Variants in ARHGAP4 observed in about 807,000 individuals in gnomAD.
ARHGAP4 encodes Rho GTPase activating protein 4.
In ARHGAP4, 25 loss-of-function variants were observed where a neutral mutation model predicts 67.6. The observed-to-expected ratio is 0.37, with a 90% CI of 0.27 to 0.52. The LOEUF is 0.52. Ranked by LOEUF, ARHGAP4 falls within the 20% of genes least tolerant of loss-of-function variation. ARHGAP4 has a pLI of 0.92. For missense variants in ARHGAP4, 804 were observed against 854.6 expected, an observed-to-expected ratio of 0.94 and a Z score of 0.74; for synonymous variants, 448 against 373.7, an observed-to-expected ratio of 1.20 and a Z score of -2.29.
Position 153,926,122 on chromosome X carries a change from C to G in ARHGAP4, c.67+14G>C, listed in dbSNP as rs782239592. 1.7e-6 allele frequency: 2 copies of G among 1,203,115 alleles called. No individual in the cohort carries two copies. Among genetic ancestry groups the G allele is most frequent in the South Asian group, 3.5e-5 (2 of 56,396 alleles). On this transcript the variant is annotated intron_variant, in intron 1 of 21. Transcript: ENST00000350060. ...CCGCAGGAAACGGGCCGGGAGCGCC[C>G]GGCGCCCTCTCACCTTTGACTTGCG...
intron 7 of ARHGAP4, among the ~76,000 whole-genome samples, chrX:153,915,028 A>G (rs1163250969): frequency 1.8e-5 from 2 of 112,621 alleles, no homozygotes; most frequent in African/African-American, 6.4e-5. Context: ...ACAGGACTGC[A>G]TGAAGGCGCA....
At chrX:153,922,025 T>C in intron 1 of ARHGAP4, 1 of 918,835 alleles carries the variant, frequency 1.1e-6, no homozygotes, top group Non-Finnish European at 1.4e-6. Flanking sequence ...AGCCGACCTC[T>C]GCGCTGAGGC....
intron 14 of ARHGAP4, 22 bp from the exon 15 acceptor site, chrX:153,910,856 G>A (rs374565768): frequency 5.6e-5 from 66 of 1,185,311 alleles, no homozygotes; most frequent in Non-Finnish European, 6.9e-5. Context: ...CGAGTGGTGC[G>A]GTAGGGGGAG....
chrX:153,921,657 A>G lies in ARHGAP4; in HGVS notation c.220T>C (p.Phe74Leu), dbSNP rs782498650. The G allele has an allele frequency of 9.9e-6, 12 of 1,209,408 alleles. No homozygotes were observed. In the South Asian group the frequency reaches 2.1e-4, roughly 21 times the overall value. ...SRGLEKLAER[F>L]SSRGGRLGSS... The stretch of plus-strand genomic sequence containing the variant: ...CCCAGGCGGCCTCCACGGCTGGAGA[A>G]GCGCTCGGCCAGCTTTTCCAGGCCC... Residue 74 changes from phenylalanine (F) to leucine (L), a missense_variant, in exon 2 of 22, where the codon TTC (phenylalanine) becomes CTC (leucine). Phe to Leu is a conservative substitution (Grantham distance 22). Coordinates refer to ENST00000350060, the MANE Select transcript of ARHGAP4 (RefSeq NM_001666.5).
intron 2 of ARHGAP4, 37 bp from the exon 3 acceptor site, chrX:153,921,564 C>T (rs782244098): frequency 5.8e-6 from 7 of 1,203,375 alleles, no homozygotes; most frequent in Non-Finnish European, 4.5e-6. Flanking sequence ...GGGAGCGGAG[C>T]TTGGGCCCTG....
chrX:153,922,071 G>A (rs1484115240), intron 1 of ARHGAP4: 2 of 989,311 alleles, frequency 2.0e-6, no homozygotes, highest in South Asian at 3.4e-5. Flanking sequence ...TGAGGGGGAA[G>A]GGGAAGGGTG....
Position 153,910,249 on chromosome X carries a change from C to T in ARHGAP4, c.2078G>A (p.Arg693Gln), listed in dbSNP as rs781956590. 5.0e-6 allele frequency: 6 copies of T among 1,209,237 alleles called. No individual in the cohort carries two copies. Among genetic ancestry groups the T allele is most frequent in the African/African-American group, 3.5e-5 (2 of 57,380 alleles). The change falls in exon 17 of 22, where the codon CGG (arginine) becomes CAG (glutamine). Residue 693 changes from arginine (R) to glutamine (Q), a missense_variant. Physicochemically the swap from Arg to Gln is conservative, Grantham distance 43 (BLOSUM62 1). Transcript: ENST00000350060. ...LVQTLIVQPD[R>Q]VFPPLTSLPG... ...CAGCGAGGTCAGGGGCGGGAAGACC[C>T]GATCGGGCTGCACTATGAGCGTCTG...
rs1485170799 is a variant in ARHGAP4 at position 153,911,197 on chromosome X, CAG to C, written c.1543-10_1543-9del. The C allele has an allele frequency of 7.1e-5, 81 of 1,148,616 alleles. No homozygotes were observed. Among genetic ancestry groups the C allele is most frequent in the Non-Finnish European group, 9.4e-5 (81 of 862,406 alleles). 94.7% of individuals were successfully genotyped at this position (1,148,616 alleles called of 1,213,427 possible). On this transcript the variant is annotated splice_polypyrimidine_tract_variant and intron_variant, in intron 12 of 21. Coordinates refer to ENST00000350060, the MANE Select transcript of ARHGAP4 (RefSeq NM_001666.5). ...CACAGGCTGGCCTGAGCTCTGGGGA[CAG>C]AGGGTGTTTACTTCACCATGGACAC...
At chrX:153,908,960 G>C (rs1478982996) in intron 21 of ARHGAP4, 110 bp downstream of exon 21, 1 of 808,623 alleles carries the variant, frequency 1.2e-6, no homozygotes, top group Non-Finnish European at 1.8e-6. Context: ...TTGAGCTAAG[G>C]CCAGGGAGGG....
At chrX:153,913,088 C>T in intron 10 of ARHGAP4, 37 bp from the exon 11 acceptor site, 5 of 1,178,606 alleles carry the variant, frequency 4.2e-6, no homozygotes, top group Non-Finnish European at 5.7e-6. Context: ...CCTCTCGGGC[C>T]AGGGGTCTTC....
chrX:153,909,200 C>T, intron 20 of ARHGAP4, 31 bp from the exon 21 acceptor site: 2 of 1,154,510 alleles, frequency 1.7e-6, no homozygotes, highest in Non-Finnish European at 2.3e-6. Flanking sequence ...CTGGTGGGGG[C>T]CCTGGGAAGT....
rs1557101623 is a variant in ARHGAP4, at chrX:153,907,884, A to G, written c.2686T>C (p.Ser896Pro). 8 of 1,054,935 alleles carry G rather than the reference A, an allele frequency of 7.6e-6. No homozygotes were observed. Among genetic ancestry groups the G allele is most frequent in the Non-Finnish European group, 9.8e-6 (8 of 813,779 alleles). The allele number at this position is 1,054,935 out of a possible 1,213,427, so 86.9% of individuals were successfully genotyped here. A position where few individuals can be genotyped will look rare whatever the true frequency, so the allele number is the denominator to read the frequency against. Residue 896 changes from serine (S) to proline (P), a missense_variant, in exon 22 of 22, where the codon TCT becomes CCT. Coordinates refer to ENST00000350060, the MANE Select transcript of ARHGAP4 (RefSeq NM_001666.5). ...TSVRQGLGPA[S>P]TTSPSPGPRS... ...GGCCCAGGACTGGGAGAGGTGGTAG[A>G]TGCTGGCCCAAGGCCCTGGCGGACA...
chrX:153,914,514 GGT>G (rs2065042037), intron 7 of ARHGAP4, among the ~76,000 whole-genome samples: 1 of 111,618 alleles, frequency 9.0e-6, no homozygotes, highest in Non-Finnish European at 1.9e-5. Context: ...TGGCCAACAC[GGT>G]GAAACCCTGT....
chrX:153,909,300 C>T, intron 20 of ARHGAP4, 131 bp from the exon 21 acceptor site: 1 of 863,738 alleles, frequency 1.2e-6, no homozygotes, highest in Non-Finnish European at 1.6e-6. Flanking sequence ...TCCTCTAGAG[C>T]CTCTCCCTGT....
At position 153,913,899 on chromosome X, in the gene ARHGAP4, G is replaced by C. The variant is rs1365329732; in HGVS notation, c.1033-20C>G. 1 of 1,188,399 alleles carries C rather than the reference G, an allele frequency of 8.4e-7. No individual in the cohort carries two copies. The highest frequency in any genetic ancestry group is 2.2e-5 in the Admixed American group (1 of 45,640). The stretch of plus-strand genomic sequence containing the variant: ...AGCCACCTGCAGAGGGCGGCGGCCA[G>C]GGGGCTAAGGGCTGGGCTTGGGCAG... On this transcript the variant is annotated intron_variant, in intron 7 of 21. Coordinates refer to ENST00000350060, the MANE Select transcript of ARHGAP4 (RefSeq NM_001666.5).
chrX:153,914,978 A>C (rs1312807772), intron 7 of ARHGAP4, among the ~76,000 whole-genome samples: 4 of 112,339 alleles, frequency 3.6e-5, no homozygotes, highest in African/African-American at 1.3e-4. Flanking sequence ...GCTGTGGCTA[A>C]ACACTTGCCC....
chrX:153,914,352 A>G (rs1020589529), intron 7 of ARHGAP4: 1 of 131,997 alleles, frequency 7.6e-6, no homozygotes, highest in African/African-American at 3.2e-5. Context: ...TACACTTTAC[A>G]GTGCTGAATT....
In ARHGAP4 at chrX:153,919,061, G is replaced by C; in HGVS notation, c.811-8C>G. 2 of 1,210,059 alleles carry C rather than the reference G, an allele frequency of 1.7e-6. No homozygotes were observed. The highest frequency in any genetic ancestry group is 3.5e-5 in the South Asian group (2 of 56,913). The stretch of plus-strand genomic sequence containing the variant: ...GAACCCTGTGTCACAGCACTGAGGA[G>C]GAAACAAGGAGATGCTTGGGTAGGT... On this transcript the variant is annotated splice_region_variant and splice_polypyrimidine_tract_variant and intron_variant, in intron 6 of 21. Transcript: ENST00000350060.
intron 1 of ARHGAP4, chrX:153,922,069 A>G: frequency 1.0e-6 from 1 of 978,050 alleles, no homozygotes; most frequent in Non-Finnish European, 1.3e-6. Context: ...GTTGAGGGGG[A>G]AGGGGAAGGG....
Sources: gnomAD v4.1 joint callset for allele counts (sites outside exome capture counted in the v4.1 genomes callset) on GRCh38, gnomAD v4.1.1 for gene constraint, MANE v1.5 for transcripts, NCBI Gene and HGNC (gene_info 2026-07-23, HGNC 2026-07-21) for gene names.